The following ZC3H14 variants were observed in gnomAD, a reference collection of about 807,000 sequenced individuals.
ZC3H14 encodes the protein zinc finger CCCH domain-containing protein 14.
ZC3H14 carries 31 observed loss-of-function variants against 92.4 expected under a neutral mutation model. That is an observed-to-expected ratio of 0.34 (90% CI 0.25 to 0.45). ZC3H14 has a LOEUF of 0.45. Ranked by LOEUF, ZC3H14 falls within the 20% of genes least tolerant of loss-of-function variation. The probability of loss-of-function intolerance (pLI) is 1.00; values close to 1 mark genes in which losing one functional copy is unlikely to be tolerated. For missense variants in ZC3H14, 781 were observed against 897.3 expected (o/e 0.87, Z 1.66); for synonymous variants, 321 against 300.9 (o/e 1.07, Z -0.69).
intron 8 of ZC3H14, 51 bp from the exon 9 acceptor site, chr14:88,577,934 T>G: frequency 6.2e-7 from 1 of 1,608,490 alleles, no homozygotes; most frequent in Non-Finnish European, 8.5e-7. Context: ...CTGTGGAGTT[T>G]TGACGTATTA....
chr14:88,595,447 G>A (rs928467391), intron 9 of ZC3H14, among the ~76,000 whole-genome samples: 15 of 152,288 alleles, frequency 9.8e-5, no homozygotes, highest in African/African-American at 3.1e-4. Context: ...ATGTACTGTT[G>A]ATGTGAAGGA....
At chr14:88,601,829 A>C (rs1595048756) in intron 10 of ZC3H14, 95 bp from the exon 11 acceptor site, 2 of 1,407,944 alleles carry the variant, frequency 1.4e-6, no homozygotes, top group East Asian at 4.9e-5. Context: ...AATAATTTGA[A>C]TATATAAAAG....
chr14:88,611,597 GAATTA>G, intron 16 of ZC3H14, 143 bp from the exon 17 acceptor site: 1 of 853,666 alleles, frequency 1.2e-6, no homozygotes, highest in Non-Finnish European at 1.8e-6. Context: ...TGACATAATT[GAATTA>G]TTTTTAAAAA....
chr14:88,606,323 G>A (rs2085389648), intron 12 of ZC3H14, among the ~76,000 whole-genome samples: 1 of 152,112 alleles, frequency 6.6e-6, no homozygotes, highest in African/African-American at 2.4e-5. Context: ...GAGTGGATGG[G>A]TGTGCACTTG....
chr14:88,609,273 C>T lies in ZC3H14; in HGVS notation c.1875C>T (p.Phe625=), dbSNP rs1174903697. 1 of 1,613,436 alleles carries T rather than the reference C, an allele frequency of 6.2e-7. No homozygotes were observed. The highest frequency in any genetic ancestry group is 8.5e-7 in the Non-Finnish European group (1 of 1,179,892). Reference sequence around the variant, plus strand: ...CTTTTTTTTTGTTTTGTAGAGCCTTCCCCAATTGTAAATTTGCTGAAAAAT... The same window carrying T: ...CTTTTTTTTTGTTTTGTAGAGCCTTTCCCAATTGTAAATTTGCTGAAAAAT... The part of the protein sequence containing the change: ...YHHPISPCKA[F]PNCKFAEKCL... Residue 625 remains phenylalanine, a synonymous_variant, in exon 14 of 17, where the codon TTC becomes TTT. Coordinates refer to ENST00000251038, the MANE Select transcript of ZC3H14 (RefSeq NM_024824.5).
intron 9 of ZC3H14, among the ~76,000 whole-genome samples, chr14:88,588,102 G>C (rs935853862): frequency 6.7e-6 from 1 of 150,114 alleles, no homozygotes; most frequent in Non-Finnish European, 1.5e-5. Flanking sequence ...TACCTGTACT[G>C]TAGCCTAAAA....
intron 9 of ZC3H14, among the ~76,000 whole-genome samples, chr14:88,594,060 A>G (rs1439630688): frequency 6.6e-6 from 1 of 152,186 alleles, no homozygotes; most frequent in African/African-American, 2.4e-5. Context: ...TCTTGAAAGA[A>G]GTTTGTGTGG....
Position 88,624,963 on chromosome 14 carries a change from G to A in ZC3H14, c.*13212G>A, listed in dbSNP as rs1172789779. 1 of 1,612,294 alleles carries A rather than the reference G, an allele frequency of 6.2e-7. No individual in the cohort carries two copies. The highest frequency in any genetic ancestry group is 1.7e-5 in the Admixed American group (1 of 59,648). On this transcript the variant is annotated 3_prime_UTR_variant, in exon 17 of 17. Transcript: ENST00000251038. ...ATAAATATTCTGTGAAAAGAAAGAGGACTCACGGCCTTTCCTTTCCCCCAG... is the reference window on the plus strand; with the variant it reads ...ATAAATATTCTGTGAAAAGAAAGAGAACTCACGGCCTTTCCTTTCCCCCAG...
At position 88,625,363 on chromosome 14, in the gene ZC3H14, TCTTCC is replaced by T. The variant is rs909962031; in HGVS notation, c.*13618_*13622del. 8.8e-6 allele frequency: 4 copies of T among 454,892 alleles called. No individual in the cohort carries two copies. Among genetic ancestry groups the T allele is most frequent in the East Asian group, 7.9e-5 (2 of 25,286 alleles). 28.2% of individuals were successfully genotyped at this position (454,892 alleles called of 1,614,324 possible). A position where few individuals can be genotyped will look rare whatever the true frequency, so the allele number is the denominator to read the frequency against. ...ATTAGCTAGAATAACCTTAGACAAT[TCTTCC>T]CTTCCAATTCTAACATACTATAATT... On this transcript the variant is annotated 3_prime_UTR_variant, in exon 17 of 17. Transcript: ENST00000251038.
Position 88,616,293 on chromosome 14 carries a change from A to C in ZC3H14, c.*4542A>C. The C allele has an allele frequency of 6.5e-7, 1 of 1,538,600 alleles. No homozygotes were observed. Among genetic ancestry groups the C allele is most frequent in the Non-Finnish European group, 9.0e-7 (1 of 1,111,940 alleles). On this transcript the variant is annotated 3_prime_UTR_variant, in exon 17 of 17. Coordinates refer to ENST00000251038, the MANE Select transcript of ZC3H14 (RefSeq NM_024824.5). ...AGGGCATTTGGTGCACACAGAAGTC[A>C]AAGGCTCTTATTAGGAACTATAATC...
In ZC3H14 at chr14:88,575,933, C is replaced by T. The variant is rs139829019; in HGVS notation, c.1116C>T (p.Tyr372=). 1.2e-6 allele frequency: 2 copies of T among 1,605,664 alleles called. No homozygotes were observed. Among genetic ancestry groups the T allele is most frequent in the Non-Finnish European group, 1.7e-6 (2 of 1,172,572 alleles). ...AQESVTKTTN[Y]STVPQKQTLP... is the part of the protein sequence containing the mutation. Reference sequence around the variant, plus strand: ...AATCCGTAACAAAAACAACTAACTACTCTACAGGTAATTTAAATGTATTAT... The same window carrying T: ...AATCCGTAACAAAAACAACTAACTATTCTACAGGTAATTTAAATGTATTAT... Residue 372 remains tyrosine (Y), a synonymous_variant, in exon 8 of 17, where the codon TAC becomes TAT. Transcript: ENST00000251038.
chr14:88,577,889 C>G (rs567364782), intron 8 of ZC3H14, 96 bp from the exon 9 acceptor site: 2 of 1,526,814 alleles, frequency 1.3e-6, no homozygotes, highest in South Asian at 1.1e-5. Flanking sequence ...TGTCCTAAAC[C>G]AAAGGAGGCA....
chr14:88,574,686 A>G lies in ZC3H14; in HGVS notation c.862-7A>G. The G allele has an allele frequency of 6.2e-7, 1 of 1,614,054 alleles. No individual in the cohort carries two copies. Among genetic ancestry groups the G allele is most frequent in the Non-Finnish European group, 8.5e-7 (1 of 1,179,972 alleles). On this transcript the variant is annotated splice_region_variant and splice_polypyrimidine_tract_variant and intron_variant, in intron 6 of 16. Coordinates refer to ENST00000251038, the MANE Select transcript of ZC3H14 (RefSeq NM_024824.5). ...ATTAGGTAAGCATAAATTTTATCTGATTGCAGGATGAAAACTTTCGGAAGA... is the reference window on the plus strand; with the variant it reads ...ATTAGGTAAGCATAAATTTTATCTGGTTGCAGGATGAAAACTTTCGGAAGA...
At chr14:88,604,930 A>G (rs924908015) in intron 12 of ZC3H14, among the ~76,000 whole-genome samples, 8 of 152,202 alleles carry the variant, frequency 5.3e-5, no homozygotes, top group African/African-American at 1.9e-4. Context: ...GCCTCTTAAA[A>G]TTTGAACAGA....
At position 88,619,418 on chromosome 14, in the gene ZC3H14, T is replaced by G. The variant is rs756900947; in HGVS notation, c.*7667T>G. 2 of 152,370 alleles carry G rather than the reference T, an allele frequency of 1.3e-5. No homozygotes were observed. Among genetic ancestry groups the G allele is most frequent in the African/African-American group, 2.4e-5 (1 of 41,436 alleles). 9.4% of individuals were successfully genotyped at this position (152,370 alleles called of 1,614,324 possible). On this transcript the variant is annotated 3_prime_UTR_variant, in exon 17 of 17. Coordinates refer to ENST00000251038, the MANE Select transcript of ZC3H14 (RefSeq NM_024824.5). ...TTTAAATAGAGGCGGGGTCTCACTA[T>G]GGTCCCAAACTCCTGGCCTCAAGCA... is the stretch of plus-strand genomic sequence containing the variant.
chr14:88,625,140 G>C lies in ZC3H14; in HGVS notation c.*13389G>C. 1.9e-6 allele frequency: 3 copies of C among 1,612,528 alleles called. No homozygotes were observed. The highest frequency in any genetic ancestry group is 2.2e-5 in the East Asian group (1 of 44,834). ...ACGTCAAGTTATTCTGAAAAGGAGT[G>C]GGGGAGGGGGAGACAAACTCATCAA... On this transcript the variant is annotated 3_prime_UTR_variant, in exon 17 of 17. Transcript: ENST00000251038.
intron 9 of ZC3H14, chr14:88,594,512 A>G (rs2139960231): frequency 7.1e-7 from 1 of 1,400,634 alleles, no homozygotes; most frequent in African/African-American, 1.4e-5. Flanking sequence ...TAGCTTTTTC[A>G]CATTTAGTTT....
At chr14:88,599,719 C>G (rs1028153588) in intron 10 of ZC3H14, among the ~76,000 whole-genome samples, 1 of 152,208 alleles carries the variant, frequency 6.6e-6, no homozygotes, top group Non-Finnish European at 1.5e-5. Context: ...TTTGCTCTCT[C>G]CCACCTTCAG....
intron 7 of ZC3H14, among the ~76,000 whole-genome samples, chr14:88,575,319 G>C (rs2081020493): frequency 6.6e-6 from 1 of 152,160 alleles, no homozygotes; most frequent in South Asian, 2.1e-4. Flanking sequence ...CTTAACATTG[G>C]AGAGGATTGC....
Sources: allele counts gnomAD v4.1 joint callset (sites outside exome capture counted in the v4.1 genomes callset), GRCh38; gene constraint gnomAD v4.1.1; transcripts MANE v1.5; gene names NCBI Gene and HGNC (gene_info 2026-07-23, HGNC 2026-07-21).